The following MANBA variants were observed in gnomAD, a reference collection of about 807,000 sequenced individuals.
The protein encoded by MANBA is mannosidase beta.
A neutral mutation model predicts 111.1 loss-of-function variants in MANBA; 83 were observed. That is an observed-to-expected ratio of 0.75 (90% CI 0.63 to 0.90). The LOEUF (loss-of-function observed/expected upper bound fraction) is 0.90. Among genes scored for constraint, MANBA ranks in the 40% least tolerant of loss-of-function variants. The pLI is 0.00. For synonymous variants in MANBA, 370 were observed against 378.7 expected (o/e 0.98, Z 0.27); for missense variants, 1,036 against 1,069.0 (o/e 0.97, Z 0.43).
intron 5 of MANBA, among the ~76,000 whole-genome samples, chr4:102,705,047 C>CA (rs1298542135): frequency 1.3e-5 from 2 of 152,096 alleles, no homozygotes; most frequent in Non-Finnish European, 2.9e-5. Flanking sequence ...GATCACCTAT[C>CA]AAAAAACACT....
chr4:102,642,310 A>T (rs574134686), intron 13 of MANBA, among the ~76,000 whole-genome samples: 3 of 152,212 alleles, frequency 2.0e-5, no homozygotes, highest in Non-Finnish European at 4.4e-5. Context: ...TTTTAGTTTT[A>T]AAAATATGCC....
At chr4:102,735,133 T>C (rs1723166164) in intron 1 of MANBA, among the ~76,000 whole-genome samples, 1 of 152,154 alleles carries the variant, frequency 6.6e-6, no homozygotes, top group African/African-American at 2.4e-5. Context: ...GTGATCCCAC[T>C]AGCTGCGACA....
intron 4 of MANBA, chr4:102,722,404 T>C (rs1722618190): frequency 1.6e-5 from 3 of 189,382 alleles, no homozygotes; most frequent in South Asian, 1.9e-4. Context: ...AATCATACTC[T>C]AAGAAAAATA....
chr4:102,672,955 T>C (rs910756100), intron 8 of MANBA, among the ~76,000 whole-genome samples: 4 of 152,208 alleles, frequency 2.6e-5, no homozygotes, highest in African/African-American at 9.6e-5. Flanking sequence ...TTTTTGCTTT[T>C]GTGGCACAAG....
chr4:102,747,028 T>A (rs1399673873), intron 1 of MANBA, among the ~76,000 whole-genome samples: 1 of 151,212 alleles, frequency 6.6e-6, no homozygotes, highest in Non-Finnish European at 1.5e-5. Context: ...TCTAATCACA[T>A]TAAGCAGCCA....
intron 1 of MANBA, among the ~76,000 whole-genome samples, chr4:102,759,091 C>G (rs1328578523): frequency 6.6e-6 from 1 of 151,494 alleles, no homozygotes; most frequent in Admixed American, 6.6e-5. Context: ...AATAATCTGA[C>G]TTACTGAAGC....
At chr4:102,704,108 C>T (rs28887776) in intron 5 of MANBA, among the ~76,000 whole-genome samples, 1 of 151,184 alleles carries the variant, frequency 6.6e-6, no homozygotes, top group East Asian at 1.9e-4. Context: ...AAAAAAAAAC[C>T]AAAAAATTTG....
Position 102,710,549 on chromosome 4 carries a change from T to C in MANBA, c.673+3889A>G, listed in dbSNP as rs10008821. Among the ~76,000 whole-genome samples, 204 of 152,088 alleles carry C rather than the reference T, an allele frequency of 1.3e-3. 1 individual carries two copies. The highest frequency in any genetic ancestry group is 4.7e-3 in the African/African-American group (197 of 41,474). On this transcript the variant is annotated intron_variant, in intron 5 of 16. Transcript: ENST00000647097. ...TCGAAAAACATCCCATGCTCATGGG[T>C]TGGAAGAATTAATATCATTAAAATG...
chr4:102,713,699 C>T (rs1029403581), intron 5 of MANBA, among the ~76,000 whole-genome samples: 10 of 152,026 alleles, frequency 6.6e-5, no homozygotes, highest in African/African-American at 2.2e-4. Context: ...GTCAGGAGTT[C>T]GAGACTGGCC....
rs1272394087 is a variant in MANBA, at chr4:102,714,522, G to C, written c.589C>G (p.Pro197Ala). The part of the protein sequence containing the change: ...SFSWDWGPSF[P>A]TQGIWKDVRI... ...ACATCTTTCCAGATTCCCTGGGTAG[G>C]AAAGGAAGGCCCCCAGTCCCAACTA... The change falls in exon 5 of 17, where the codon CCT (proline) becomes GCT (alanine). Residue 197 changes from proline (P) to alanine (A), a missense_variant. Transcript: ENST00000647097. 6.2e-7 allele frequency: 1 copy of C among 1,608,110 alleles called. No individual in the cohort carries two copies. The highest frequency in any genetic ancestry group is 8.5e-7 in the Non-Finnish European group (1 of 1,174,532).
chr4:102,757,578 T>C (rs1578966102), intron 1 of MANBA, among the ~76,000 whole-genome samples: 1 of 152,218 alleles, frequency 6.6e-6, no homozygotes, highest in East Asian at 1.9e-4. Context: ...ACTGAAGAAA[T>C]CCTCTTGTTT....
At chr4:102,721,263 G>A (rs1490680772) in intron 4 of MANBA, among the ~76,000 whole-genome samples, 2 of 152,162 alleles carry the variant, frequency 1.3e-5, no homozygotes, top group Non-Finnish European at 2.9e-5. Context: ...GGCGGAGGTT[G>A]CAGTGAGCCG....
chr4:102,723,275 T>C (rs562381848), intron 3 of MANBA, among the ~76,000 whole-genome samples: 3 of 152,208 alleles, frequency 2.0e-5, no homozygotes, highest in Non-Finnish European at 4.4e-5. Flanking sequence ...AGGCTTCTCC[T>C]TCTATTTTTC....
intron 1 of MANBA, among the ~76,000 whole-genome samples, chr4:102,747,173 A>ATATATATATATATATATATATAT (rs1560812741): frequency 4.6e-5 from 7 of 151,392 alleles, no homozygotes; most frequent in African/African-American, 1.5e-4. Context: ...ATATATATAT[A>ATATATATATATATATATATATAT]AAGGGGAGTT....
At chr4:102,700,248 T>C (rs1246834732) in intron 5 of MANBA, among the ~76,000 whole-genome samples, 7 of 152,072 alleles carry the variant, frequency 4.6e-5, no homozygotes, top group Admixed American at 1.3e-4. Context: ...TTCTTCTCTC[T>C]TTTTTTCTTT....
chr4:102,743,468 G>T (rs1468931164), intron 1 of MANBA, among the ~76,000 whole-genome samples: 1 of 152,160 alleles, frequency 6.6e-6, no homozygotes, highest in Non-Finnish European at 1.5e-5. Flanking sequence ...CCTGCATATC[G>T]TGCAGAACCA....
chr4:102,671,465 C>G, intron 8 of MANBA, 67 bp from the exon 9 acceptor site: 1 of 901,726 alleles, frequency 1.1e-6, no homozygotes, highest in Non-Finnish European at 1.8e-6. Flanking sequence ...CAGATAAACA[C>G]ATTTCTAATC....
At chr4:102,655,481 G>C (rs1359986718) in intron 12 of MANBA, among the ~76,000 whole-genome samples, 1 of 152,182 alleles carries the variant, frequency 6.6e-6, no homozygotes, top group Non-Finnish European at 1.5e-5. Flanking sequence ...GAACAGAATT[G>C]AGAATTCAGA....
At chr4:102,654,943 A>G (rs1730495962) in intron 12 of MANBA, among the ~76,000 whole-genome samples, 1 of 152,194 alleles carries the variant, frequency 6.6e-6, no homozygotes. Context: ...AGAAAATGCT[A>G]AAGAATATCC....
Sources: gnomAD v4.1 joint callset for allele counts (sites outside exome capture counted in the v4.1 genomes callset) on GRCh38, gnomAD v4.1.1 for gene constraint, MANE v1.5 for transcripts, NCBI Gene and HGNC (gene_info 2026-07-23, HGNC 2026-07-21) for gene names.